Variants in DMD observed in about 807,000 individuals in gnomAD.
DMD encodes the protein mutant dystrophin.
DMD carries 63 observed loss-of-function variants against 330.1 expected under a neutral mutation model. The observed-to-expected ratio is 0.19, with a 90% CI of 0.16 to 0.24. DMD has a LOEUF of 0.24. Ranked by LOEUF, DMD falls within the 10% of genes least tolerant of loss-of-function variation. The pLI, the probability that DMD is intolerant of heterozygous loss-of-function variation, is 1.00. For synonymous variants in DMD, 1,223 were observed against 959.8 expected, an observed-to-expected ratio of 1.27 and a Z score of -5.07; for missense variants, 3,344 against 2,684.1, an observed-to-expected ratio of 1.25 and a Z score of -5.43.
intron 11 of DMD, chrX:32,641,705 A>G (rs745471277): frequency 1.6e-5 from 2 of 127,711 alleles, no homozygotes; most frequent in South Asian, 5.6e-4. Context: ...TATACTTAAT[A>G]TGACTAGACA....
At chrX:32,876,861 A>G (rs1236044267) in intron 2 of DMD, among the ~76,000 whole-genome samples, 2 of 112,209 alleles carry the variant, frequency 1.8e-5, no homozygotes, top group African/African-American at 6.5e-5. Context: ...TAAACTACTT[A>G]CACTATTACT....
chrX:32,938,737 AAC>A (rs1344298767), intron 2 of DMD, among the ~76,000 whole-genome samples: 1 of 111,680 alleles, frequency 9.0e-6, no homozygotes, highest in African/African-American at 3.3e-5. Context: ...TTAGATTTAA[AAC>A]CAGAAAACAA....
At chrX:31,447,082 T>C (rs749331491) in intron 59 of DMD, among the ~76,000 whole-genome samples, 2 of 111,379 alleles carry the variant, frequency 1.8e-5, no homozygotes, top group African/African-American at 3.3e-5. Context: ...TTGATTTTCA[T>C]TTTCTCTCCC....
chrX:32,850,519 G>A (rs951181693), intron 2 of DMD, among the ~76,000 whole-genome samples: 1 of 111,739 alleles, frequency 8.9e-6, no homozygotes, highest in Non-Finnish European at 1.9e-5. Context: ...TGGCATTTCT[G>A]AGATTAGCAG....
At chrX:32,405,427 A>T (rs2098112143) in intron 30 of DMD, among the ~76,000 whole-genome samples, 1 of 112,137 alleles carries the variant, frequency 8.9e-6, no homozygotes, top group African/African-American at 3.2e-5. Context: ...TTACATTTTT[A>T]ATCATAGTAC....
chrX:32,091,081 T>C, intron 44 of DMD, among the ~76,000 whole-genome samples: 1 of 112,187 alleles, frequency 8.9e-6, no homozygotes, highest in Non-Finnish European at 1.9e-5. Flanking sequence ...GGAACACACT[T>C]GCGGCGTAGC....
At chrX:33,154,165 G>A (rs2048396458) in intron 1 of DMD, among the ~76,000 whole-genome samples, 2 of 111,807 alleles carry the variant, frequency 1.8e-5, no homozygotes, top group South Asian at 7.4e-4. Context: ...GGGAGGCCGA[G>A]GCAGGCAGAT....
At chrX:31,401,669 C>G (rs2061198820) in intron 60 of DMD, among the ~76,000 whole-genome samples, 1 of 111,582 alleles carries the variant, frequency 9.0e-6, no homozygotes, top group South Asian at 3.8e-4. Flanking sequence ...TGACAGCTGT[C>G]AACAGGAATT....
At chrX:33,017,952 T>C (rs1256095557) in intron 2 of DMD, among the ~76,000 whole-genome samples, 3 of 112,459 alleles carry the variant, frequency 2.7e-5, no homozygotes, top group Non-Finnish European at 5.6e-5. Context: ...ATTATGTTTA[T>C]CTTTTGGTTT....
chrX:31,366,497 C>A (rs985896687), intron 60 of DMD, among the ~76,000 whole-genome samples: 3,916 of 21,317 alleles, frequency 0.18, 7 homozygotes, highest in Middle Eastern at 0.26. Flanking sequence ...AAAAAAAAAA[C>A]ATAAAAAAAA....
intron 41 of DMD, among the ~76,000 whole-genome samples, chrX:32,310,941 G>T (rs142168591): frequency 9.0e-6 from 1 of 110,943 alleles, no homozygotes; most frequent in Non-Finnish European, 1.9e-5. Flanking sequence ...ATATAAGGGA[G>T]CACTAGCCTC....
At chrX:32,784,621 C>A (rs755698186) in intron 7 of DMD, among the ~76,000 whole-genome samples, 1 of 111,694 alleles carries the variant, frequency 9.0e-6, no homozygotes, top group Non-Finnish European at 1.9e-5. Context: ...GGTTCCCGCT[C>A]CAAAATCATC....
intron 13 of DMD, among the ~76,000 whole-genome samples, chrX:32,581,642 A>G (rs1189462857): frequency 8.9e-6 from 1 of 112,171 alleles, no homozygotes; most frequent in Non-Finnish European, 1.9e-5. Context: ...GGACATTTTT[A>G]TGTGTATTAA....
intron 1 of DMD, among the ~76,000 whole-genome samples, chrX:33,237,230 CTCTT>C (rs1470981531): frequency 1.0e-5 from 1 of 96,787 alleles, no homozygotes; most frequent in Non-Finnish European, 2.1e-5. Context: ...CCCTCCCTCC[CTCTT>C]TCTTTTTCTT....
chrX:31,824,065 C>G (rs763607607), intron 49 of DMD, among the ~76,000 whole-genome samples: 1 of 111,433 alleles, frequency 9.0e-6, no homozygotes, highest in Non-Finnish European at 1.9e-5. Flanking sequence ...AGTTAAAAAG[C>G]AAAACACAGA....
intron 44 of DMD, among the ~76,000 whole-genome samples, chrX:32,181,271 T>C (rs1034577535): frequency 8.9e-6 from 1 of 111,816 alleles, no homozygotes; most frequent in Non-Finnish European, 1.9e-5. Context: ...CAAGCAATAC[T>C]GCTATCTGAC....
chrX:31,496,693 A>G, intron 57 of DMD, 95 bp downstream of exon 57: 2 of 1,033,975 alleles, frequency 1.9e-6, no homozygotes, highest in Non-Finnish European at 2.7e-6. Flanking sequence ...AAAGATTTCT[A>G]TTCAACTTAA....
chrX:31,883,109 C>A (rs2094100845), intron 47 of DMD, among the ~76,000 whole-genome samples: 1 of 112,020 alleles, frequency 8.9e-6, no homozygotes. Context: ...GTGGCATATT[C>A]ACACAATAGA....
chrX:31,512,120 CATA>C (rs1331793686), intron 55 of DMD, among the ~76,000 whole-genome samples: 1 of 110,543 alleles, frequency 9.0e-6, no homozygotes, highest in Non-Finnish European at 1.9e-5. Context: ...CTTTTGGCTG[CATA>C]AATGTCTTCT....
Sources: gnomAD v4.1 joint callset for allele counts (sites outside exome capture counted in the v4.1 genomes callset) on GRCh38, gnomAD v4.1.1 for gene constraint, MANE v1.5 for transcripts, NCBI Gene and HGNC (gene_info 2026-07-23, HGNC 2026-07-21) for gene names.